TXNDC8: variants seen among roughly 807,000 people sequenced by gnomAD.
TXNDC8 encodes the protein thioredoxin domain-containing protein 8.
Under a neutral mutation model 12.9 loss-of-function variants are expected in TXNDC8, and 15 were observed. That is an observed-to-expected ratio of 1.16 (90% CI 0.78 to 1.79). The LOEUF is 1.79. TXNDC8 is among the 40% of genes most tolerant of loss of function. The pLI is 0.00. For missense variants in TXNDC8, 128 were observed against 113.2 expected (o/e 1.13, Z -0.59); for synonymous variants, 40 against 35.4 (o/e 1.13, Z -0.46).
intron 3 of TXNDC8, among the ~76,000 whole-genome samples, chr9:110,315,389 C>T (rs1587963994): frequency 6.6e-6 from 1 of 152,012 alleles, no homozygotes; most frequent in East Asian, 1.9e-4. Context: ...TGAGCCACTG[C>T]ACCCAGCCCG....
At chr9:110,313,325 C>T (rs1838758669) in intron 3 of TXNDC8, among the ~76,000 whole-genome samples, 1 of 152,160 alleles carries the variant, frequency 6.6e-6, no homozygotes, top group South Asian at 2.1e-4. Context: ...TGAAGCTAGA[C>T]AATTTAAACT....
At chr9:110,323,801 G>A (rs1230951017) in intron 3 of TXNDC8, 1 of 1,506,150 alleles carries the variant, frequency 6.6e-7, no homozygotes, top group East Asian at 2.5e-5. Context: ...GTTTTACATG[G>A]TGACAAGCTG....
chr9:110,313,037 C>T (rs1254843617), intron 3 of TXNDC8, among the ~76,000 whole-genome samples: 1 of 152,096 alleles, frequency 6.6e-6, no homozygotes, highest in Non-Finnish European at 1.5e-5. Flanking sequence ...TCCCAAGTAG[C>T]TGGGATTACA....
At chr9:110,321,914 A>G (rs1839111263) in intron 3 of TXNDC8, among the ~76,000 whole-genome samples, 1 of 152,180 alleles carries the variant, frequency 6.6e-6, no homozygotes, top group South Asian at 2.1e-4. Flanking sequence ...TGACCCTGAC[A>G]GTGCTGCTCA....
intron 1 of TXNDC8, among the ~76,000 whole-genome samples, chr9:110,336,621 C>G (rs150270507): frequency 1.4e-3 from 211 of 152,202 alleles, no homozygotes; most frequent in African/African-American, 5.0e-3. Context: ...TGCTAGGATA[C>G]CACTGTGGAC....
At chr9:110,333,680 A>T (rs573306515) in intron 2 of TXNDC8, among the ~76,000 whole-genome samples, 38 of 152,364 alleles carry the variant, frequency 2.5e-4, no homozygotes, top group African/African-American at 9.1e-4. Flanking sequence ...ATGTCCCAAC[A>T]TCAATTGTAT....
chr9:110,331,576 C>T (rs1209434750), intron 2 of TXNDC8, among the ~76,000 whole-genome samples: 1 of 152,220 alleles, frequency 6.6e-6, no homozygotes, highest in Non-Finnish European at 1.5e-5. Context: ...GCTTTGATCT[C>T]TGACTGATAC....
At chr9:110,336,573 C>T (rs192204399) in intron 1 of TXNDC8, among the ~76,000 whole-genome samples, 6 of 152,190 alleles carry the variant, frequency 3.9e-5, no homozygotes, top group Admixed American at 1.3e-4. Flanking sequence ...TTAACATATG[C>T]GTATTGAGGC....
At chr9:110,314,442 T>C (rs1377558358) in intron 3 of TXNDC8, among the ~76,000 whole-genome samples, 12 of 149,630 alleles carry the variant, frequency 8.0e-5, no homozygotes, top group Admixed American at 6.7e-5. Flanking sequence ...TTTTTTCTTT[T>C]TTTTTTTTGA....
At chr9:110,318,270 T>A (rs1488199866) in intron 3 of TXNDC8, among the ~76,000 whole-genome samples, 3 of 152,214 alleles carry the variant, frequency 2.0e-5, no homozygotes, top group Non-Finnish European at 4.4e-5. Flanking sequence ...TCAATGCATA[T>A]CTTTTTTTTC....
At chr9:110,323,082 C>T (rs1305259924) in intron 3 of TXNDC8, 1 of 985,162 alleles carries the variant, frequency 1.0e-6, no homozygotes, top group Non-Finnish European at 1.2e-6. Context: ...GGGAGGACAT[C>T]ACATGTTAAA....
chr9:110,310,784 C>A (rs1275469251), intron 3 of TXNDC8, among the ~76,000 whole-genome samples: 30 of 152,172 alleles, frequency 2.0e-4, no homozygotes, highest in Non-Finnish European at 2.9e-5. Flanking sequence ...ATTAATCAAG[C>A]AATTTCATAC....
intron 2 of TXNDC8, among the ~76,000 whole-genome samples, chr9:110,330,319 A>G (rs1839499536): frequency 6.6e-6 from 1 of 152,140 alleles, no homozygotes; most frequent in South Asian, 2.1e-4. Flanking sequence ...AGACTTTCCA[A>G]TCTATTCTTG....
intron 3 of TXNDC8, among the ~76,000 whole-genome samples, chr9:110,313,546 C>T (rs1403634790): frequency 6.6e-6 from 1 of 151,998 alleles, no homozygotes; most frequent in South Asian, 2.1e-4. Context: ...ACTAAAAATA[C>T]AAAAATTAGC....
chr9:110,307,169 G>T (rs1220991366), intron 3 of TXNDC8, among the ~76,000 whole-genome samples: 2 of 151,248 alleles, frequency 1.3e-5, no homozygotes, highest in African/African-American at 4.9e-5. Flanking sequence ...ACCTAGGCTG[G>T]TCTCAAACTC....
chr9:110,328,130 T>C (rs1806690907), intron 2 of TXNDC8, among the ~76,000 whole-genome samples: 1 of 152,222 alleles, frequency 6.6e-6, no homozygotes, highest in Admixed American at 6.5e-5. Context: ...CTGAAGTTTA[T>C]GGAGGTTGAA....
intron 3 of TXNDC8, 70 bp downstream of exon 4, chr9:110,326,105 C>T: frequency 6.6e-7 from 1 of 1,523,102 alleles, no homozygotes. Context: ...CCAGGACAGC[C>T]AGGCTTTTTT....
chr9:110,304,628 A>AAGGT (rs1342002224), intron 3 of TXNDC8, 96 bp from the exon 5 acceptor site: 1 of 1,159,038 alleles, frequency 8.6e-7, no homozygotes, highest in African/African-American at 1.6e-5. Context: ...CCAGGGAAGG[A>AAGGT]AGGTGTCAGA....
At chr9:110,327,769 G>T (rs1839391702) in intron 2 of TXNDC8, among the ~76,000 whole-genome samples, 1 of 152,218 alleles carries the variant, frequency 6.6e-6, no homozygotes, top group Non-Finnish European at 1.5e-5. Context: ...GTGGATTTGT[G>T]GTTGCCTAGG....
Sources: gnomAD v4.1 joint callset for allele counts (sites outside exome capture counted in the v4.1 genomes callset) on GRCh38, gnomAD v4.1.1 for gene constraint, MANE v1.5 for transcripts, NCBI Gene and HGNC (gene_info 2026-07-23, HGNC 2026-07-21) for gene names.